Variants in STX6 observed in about 807,000 individuals in gnomAD.
STX6 encodes syntaxin-6.
STX6 carries 23 observed loss-of-function variants against 38.0 expected under a neutral mutation model. The ratio of observed to expected loss-of-function variants is 0.60; its 90% CI spans 0.43 to 0.86. The LOEUF is 0.86. Among genes scored for constraint, STX6 ranks in the 40% least tolerant of loss-of-function variants. The pLI is 0.00. For synonymous variants in STX6, 123 were observed against 107.5 expected (o/e 1.14, Z -0.89); for missense variants, 274 against 312.9 (o/e 0.88, Z 0.94).
At chr1:180,976,992 G>A (rs1655274152) in intron 7 of STX6, among the ~76,000 whole-genome samples, 1 of 152,196 alleles carries the variant, frequency 6.6e-6, no homozygotes, top group Non-Finnish European at 1.5e-5. Flanking sequence ...ATCAAAGCCT[G>A]CCTGCTTTAA....
rs1553264774 is a variant in STX6, at chr1:180,993,350, G to A, written c.363+13C>T. 6.9e-7 allele frequency: 1 copy of A among 1,446,666 alleles called. No individual in the cohort carries two copies. The allele number at this position is 1,446,666 out of a possible 1,614,324, so 89.6% of individuals were successfully genotyped here. On this transcript the variant is annotated intron_variant, in intron 4 of 7. Coordinates refer to ENST00000258301, the MANE Select transcript of STX6 (RefSeq NM_005819.6). ...TTTCTGTCATTGATAATTATATTCT[G>A]ATGTTTTCTCACCTGTCTATTTTTT...
chr1:181,001,844 C>T (rs1571342931), intron 3 of STX6, among the ~76,000 whole-genome samples: 4 of 152,314 alleles, frequency 2.6e-5, no homozygotes, highest in Admixed American at 2.6e-4. Context: ...ATGTACCCTG[C>T]CCAAAGCCAG....
At chr1:181,021,535 G>A (rs903604969) in intron 1 of STX6, among the ~76,000 whole-genome samples, 2 of 152,178 alleles carry the variant, frequency 1.3e-5, no homozygotes, top group Middle Eastern at 3.2e-3. Context: ...TACAGAAATA[G>A]GAAGCTAGCA....
intron 7 of STX6, among the ~76,000 whole-genome samples, chr1:180,977,042 A>G (rs988109352): frequency 6.6e-6 from 1 of 152,170 alleles, no homozygotes; most frequent in Non-Finnish European, 1.5e-5. Context: ...AACAATAATC[A>G]CATTCTTTTC....
At chr1:181,010,366 A>G (rs556241621) in intron 1 of STX6, among the ~76,000 whole-genome samples, 1 of 152,162 alleles carries the variant, frequency 6.6e-6, no homozygotes, top group Non-Finnish European at 1.5e-5. Context: ...CAGTGGTGCC[A>G]TTTCAGCTCA....
intron 6 of STX6, among the ~76,000 whole-genome samples, chr1:180,985,603 T>C (rs766426762): frequency 5.9e-5 from 9 of 152,244 alleles, no homozygotes; most frequent in Admixed American, 1.3e-4. Flanking sequence ...GAAACCAGTA[T>C]TTCCCACTAG....
intron 2 of STX6, 188 bp downstream of exon 2, chr1:181,005,106 T>A (rs1380046961): frequency 2.0e-6 from 1 of 506,230 alleles, no homozygotes; most frequent in Non-Finnish European, 2.5e-6. Flanking sequence ...TGTCACACAC[T>A]GTATAAGAAT....
intron 5 of STX6, 27 bp from the exon 6 acceptor site, chr1:180,988,372 C>G (rs200059232): frequency 3.8e-6 from 6 of 1,575,324 alleles, no homozygotes; most frequent in Admixed American, 1.7e-5. Flanking sequence ...GGGAAATAAG[C>G]AATTAAAATC....
At position 180,989,993 on chromosome 1, in the gene STX6, T is replaced by C. The variant is rs749332377; in HGVS notation, c.480A>G (p.Ala160=). The part of the protein sequence containing the change: ...ANSHFIEEQQ[A]QQQLIVEQQD... ...GGGGTCCTTGGGGTACCTGCTGCTG[T>C]GCCTGCTGCTCCTCAATGAAATGAG... Residue 160 remains alanine (A), a synonymous_variant, in exon 5 of 8, where the codon GCA becomes GCG. Coordinates refer to ENST00000258301, the MANE Select transcript of STX6 (RefSeq NM_005819.6). 1.2e-6 allele frequency: 2 copies of C among 1,613,718 alleles called. No individual in the cohort carries two copies. Among genetic ancestry groups the C allele is most frequent in the Admixed American group, 3.3e-5 (2 of 60,014 alleles).
rs1044820341 is a variant in STX6, at chr1:180,975,740, C to T, written c.*830G>A. On this transcript the variant is annotated 3_prime_UTR_variant, in exon 8 of 8. Coordinates refer to ENST00000258301, the MANE Select transcript of STX6 (RefSeq NM_005819.6). ...ACATATGTAGCAATCACCCTCAAAA[C>T]GCAAGCTGCACCTCTGGGGAGGAAG... 2.6e-5 allele frequency: 4 copies of T among 152,182 alleles called. No individual in the cohort carries two copies. The highest frequency in any genetic ancestry group is 5.9e-5 in the Non-Finnish European group (4 of 68,054). The allele number at this position is 152,182 out of a possible 1,614,324, so 9.4% of individuals were successfully genotyped here.
intron 1 of STX6, among the ~76,000 whole-genome samples, chr1:181,019,701 T>C (rs748317247): frequency 6.6e-6 from 1 of 152,182 alleles, no homozygotes; most frequent in Non-Finnish European, 1.5e-5. Context: ...GGTACACCTG[T>C]CTAGGACTCT....
At chr1:181,005,570 C>G in intron 1 of STX6, 107 bp from the exon 2 acceptor site, 1 of 1,020,746 alleles carries the variant, frequency 9.8e-7, no homozygotes, top group African/African-American at 1.6e-5. Flanking sequence ...CCTCAGCAAC[C>G]ACCATTCCCA....
At chr1:181,009,794 T>C (rs1656340730) in intron 1 of STX6, among the ~76,000 whole-genome samples, 1 of 152,190 alleles carries the variant, frequency 6.6e-6, no homozygotes, top group Admixed American at 6.5e-5. Flanking sequence ...AATGAAAACT[T>C]ATGTTCACAC....
intron 1 of STX6, 84 bp downstream of exon 1, chr1:181,022,554 TC>T: frequency 4.3e-6 from 6 of 1,385,702 alleles, no homozygotes; most frequent in East Asian, 2.6e-5. Context: ...TTGCCTCCCC[TC>T]CCCCCACTGC....
chr1:180,999,342 A>G (rs1300364230), intron 3 of STX6, among the ~76,000 whole-genome samples: 1 of 152,204 alleles, frequency 6.6e-6, no homozygotes, highest in Non-Finnish European at 1.5e-5. Context: ...AAACCTCTTG[A>G]TCCTAAAGTA....
In STX6 at chr1:181,019,366, A is replaced by C. The variant is rs557831533; in HGVS notation, c.35+3273T>G. Among the ~76,000 whole-genome samples the C allele has an allele frequency of 3.3e-5, 5 of 152,200 alleles. No homozygotes were observed. The South Asian group carries it at 8.3e-4, about 25-fold the overall frequency. On this transcript the variant is annotated intron_variant, in intron 1 of 7. Transcript: ENST00000258301. ...GGAAATACAGAGGAAAAAAAAAAAA[A>C]AAACAGTCCCAAACCTCAGAGCTCA...
intron 1 of STX6, among the ~76,000 whole-genome samples, chr1:181,017,804 C>T (rs1656604325): frequency 6.6e-6 from 1 of 152,068 alleles, no homozygotes; most frequent in Non-Finnish European, 1.5e-5. Context: ...CCCTCAAACA[C>T]TTTGAGGGGC....
intron 6 of STX6, among the ~76,000 whole-genome samples, chr1:180,986,459 T>C (rs1447103205): frequency 6.6e-6 from 1 of 152,222 alleles, no homozygotes; most frequent in East Asian, 1.9e-4. Flanking sequence ...CACATAACAC[T>C]TACTCAACAG....
intron 6 of STX6, 44 bp downstream of exon 6, chr1:180,988,194 TG>T (rs777818859): frequency 7.0e-7 from 1 of 1,435,060 alleles, no homozygotes; most frequent in East Asian, 2.3e-5. Context: ...AGGATGGCTC[TG>T]CCCCTCAATT....
Sources: gnomAD v4.1 joint callset for allele counts (sites outside exome capture counted in the v4.1 genomes callset) on GRCh38, gnomAD v4.1.1 for gene constraint, MANE v1.5 for transcripts, NCBI Gene and HGNC (gene_info 2026-07-23, HGNC 2026-07-21) for gene names.